CCSER1: variants seen among roughly 807,000 people sequenced by gnomAD.
The protein encoded by CCSER1 is coiled-coil serine rich protein 1, also known as serine-rich coiled-coil domain-containing protein 1.
CCSER1 carries 41 observed loss-of-function variants against 82.0 expected under a neutral mutation model. The ratio of observed to expected loss-of-function variants is 0.50; its 90% CI spans 0.39 to 0.65. CCSER1 has a LOEUF of 0.65. Among genes scored for constraint, CCSER1 ranks in the 30% least tolerant of loss-of-function variants. CCSER1 has a pLI of 0.00. For synonymous variants in CCSER1, 414 were observed against 383.9 expected (o/e 1.08, Z -0.92); for missense variants, 1,119 against 1,064.2 (o/e 1.05, Z -0.72).
intron 10 of CCSER1, among the ~76,000 whole-genome samples, chr4:91,238,877 G>A (rs1367589747): frequency 1.3e-5 from 2 of 151,176 alleles, no homozygotes; most frequent in Non-Finnish European, 2.9e-5. Context: ...AGGCTAGAGT[G>A]CAGTGGCAGG....
At chr4:91,034,026 A>G (rs1191348641) in intron 9 of CCSER1, among the ~76,000 whole-genome samples, 1 of 152,194 alleles carries the variant, frequency 6.6e-6, no homozygotes, top group Non-Finnish European at 1.5e-5. Flanking sequence ...GTTTTAAATA[A>G]CTGTAGGTAG....
At chr4:91,270,633 T>C (rs974163139) in intron 10 of CCSER1, among the ~76,000 whole-genome samples, 1 of 152,196 alleles carries the variant, frequency 6.6e-6, no homozygotes, top group African/African-American at 2.4e-5. Flanking sequence ...ATACTCATCC[T>C]GATTATACAG....
At chr4:91,406,596 T>C (rs1194139474) in intron 10 of CCSER1, among the ~76,000 whole-genome samples, 6 of 152,202 alleles carry the variant, frequency 3.9e-5, no homozygotes, top group Non-Finnish European at 7.3e-5. Flanking sequence ...TAGTGCTAGT[T>C]ATCGCATGTT....
At chr4:90,771,587 A>AG (rs1752181120) in intron 7 of CCSER1, among the ~76,000 whole-genome samples, 3 of 150,426 alleles carry the variant, frequency 2.0e-5, no homozygotes, top group South Asian at 2.1e-4. Flanking sequence ...AAAAAAGAAA[A>AG]GAAAAAAATG....
intron 4 of CCSER1, among the ~76,000 whole-genome samples, chr4:90,450,552 A>G (rs1761307633): frequency 1.3e-5 from 2 of 152,136 alleles, no homozygotes; most frequent in African/African-American, 4.8e-5. Flanking sequence ...TGTGATTGTT[A>G]AGTTGAGATC....
intron 10 of CCSER1, among the ~76,000 whole-genome samples, chr4:91,256,342 G>A (rs185912087): frequency 1.3e-5 from 2 of 152,292 alleles, no homozygotes; most frequent in African/African-American, 4.8e-5. Flanking sequence ...TACACAGTGG[G>A]ACATGAAGCT....
intron 10 of CCSER1, among the ~76,000 whole-genome samples, chr4:91,436,135 C>G (rs1396698834): frequency 6.6e-6 from 1 of 152,080 alleles, no homozygotes; most frequent in Non-Finnish European, 1.5e-5. Flanking sequence ...CTGTTACTTT[C>G]GATGTCAAGA....
At chr4:90,777,354 C>CAA (rs60638334) in intron 7 of CCSER1, among the ~76,000 whole-genome samples, 13,493 of 57,736 alleles carry the variant, frequency 0.23, 2,030 homozygotes, top group African/African-American at 0.35. Flanking sequence ...GACTCCATCT[C>CAA]AAAAAAAAAA....
At chr4:90,247,868 A>G (rs903365391) in intron 1 of CCSER1, among the ~76,000 whole-genome samples, 1 of 151,868 alleles carries the variant, frequency 6.6e-6, no homozygotes, top group African/African-American at 2.4e-5. Flanking sequence ...TTTTTTGAAA[A>G]AAGCATTTTT....
At chr4:90,398,781 A>G (rs1752393226) in intron 3 of CCSER1, among the ~76,000 whole-genome samples, 1 of 152,162 alleles carries the variant, frequency 6.6e-6, no homozygotes, top group Admixed American at 6.5e-5. Flanking sequence ...AAGCACTTAG[A>G]TTTGGGTATA....
intron 1 of CCSER1, among the ~76,000 whole-genome samples, chr4:90,192,015 A>C (rs1311167880): frequency 6.6e-6 from 1 of 152,102 alleles, no homozygotes; most frequent in Non-Finnish European, 1.5e-5. Context: ...TAAAAATTAC[A>C]GAATGGAGAG....
At chr4:91,532,433 C>T (rs1761082601) in intron 10 of CCSER1, among the ~76,000 whole-genome samples, 2 of 152,102 alleles carry the variant, frequency 1.3e-5, no homozygotes, top group African/African-American at 4.8e-5. Flanking sequence ...ATTATTATCC[C>T]ATCTGCACTA....
At chr4:90,470,013 T>C (rs1292575674) in intron 5 of CCSER1, among the ~76,000 whole-genome samples, 1 of 152,152 alleles carries the variant, frequency 6.6e-6, no homozygotes, top group African/African-American at 2.4e-5. Flanking sequence ...TTTTAGAACA[T>C]TGGGATTTTC....
intron 10 of CCSER1, among the ~76,000 whole-genome samples, chr4:91,421,242 TA>T (rs1753666958): frequency 6.6e-6 from 1 of 152,138 alleles, no homozygotes; most frequent in African/African-American, 2.4e-5. Flanking sequence ...CTTAGGTGGT[TA>T]TGGAGGATGA....
Position 90,885,243 on chromosome 4 carries a change from C to T in CCSER1, c.2095-38127C>T, listed in dbSNP as rs1188305169. On this transcript the variant is annotated intron_variant, in intron 8 of 10. Transcript: ENST00000509176. ...CACAGTTGCAGTATTCTCAGTAATA[C>T]ATTACCAACACCAAAACAAGCCAGA... Among the ~76,000 whole-genome samples, 4 of 152,010 alleles carry T rather than the reference C, an allele frequency of 2.6e-5. No individual in the cohort carries two copies. In the South Asian group the frequency reaches 8.3e-4, roughly 31 times the overall value.
intron 7 of CCSER1, chr4:90,781,623 T>C: frequency 1.0e-6 from 1 of 972,510 alleles, no homozygotes; most frequent in African/African-American, 1.8e-5. Context: ...TTTTTAATAC[T>C]TTTTTTCTGT....
chr4:91,055,119 C>T (rs569523986), intron 9 of CCSER1, among the ~76,000 whole-genome samples: 6 of 151,678 alleles, frequency 4.0e-5, no homozygotes, highest in African/African-American at 1.5e-4. Context: ...GTTTTTATTC[C>T]TTTCTCATCC....
chr4:90,323,314 G>A (rs1487267984), intron 3 of CCSER1, among the ~76,000 whole-genome samples: 1 of 152,168 alleles, frequency 6.6e-6, no homozygotes, highest in Non-Finnish European at 1.5e-5. Flanking sequence ...TGCAGAACTG[G>A]GATTTGCCCA....
intron 6 of CCSER1, among the ~76,000 whole-genome samples, chr4:90,649,826 G>T (rs1255787220): frequency 6.6e-6 from 1 of 152,104 alleles, no homozygotes; most frequent in Non-Finnish European, 1.5e-5. Flanking sequence ...GGGTCAAGGG[G>T]CTGGGTGTGG....
Sources: gnomAD v4.1 joint callset for allele counts (sites outside exome capture counted in the v4.1 genomes callset) on GRCh38, gnomAD v4.1.1 for gene constraint, MANE v1.5 for transcripts, NCBI Gene and HGNC (gene_info 2026-07-23, HGNC 2026-07-21) for gene names.